Variants in KDM4C observed in about 807,000 individuals in gnomAD.
The protein encoded by KDM4C is lysine-specific demethylase 4C.
Under a neutral mutation model 129.3 loss-of-function variants are expected in KDM4C, and 81 were observed. The ratio of observed to expected loss-of-function variants is 0.63; its 90% CI spans 0.52 to 0.75. The LOEUF (loss-of-function observed/expected upper bound fraction) is 0.75. KDM4C is among the 30% of genes least tolerant of loss of function. The probability of loss-of-function intolerance (pLI) is 0.00; values close to 1 mark genes in which losing one functional copy is unlikely to be tolerated. For missense variants in KDM4C, 1,457 were observed against 1,304.0 expected (o/e 1.12, Z -1.81); for synonymous variants, 573 against 456.1 (o/e 1.26, Z -3.26).
In KDM4C at chr9:7,174,825, A is replaced by G; in HGVS notation, c.*96A>G. The G allele has an allele frequency of 9.3e-7, 1 of 1,078,102 alleles. No individual in the cohort carries two copies. Among genetic ancestry groups the G allele is most frequent in the East Asian group, 2.4e-5 (1 of 42,202 alleles). 66.8% of individuals were successfully genotyped at this position (1,078,102 alleles called of 1,614,324 possible). A position where few individuals can be genotyped will look rare whatever the true frequency, so the allele number is the denominator to read the frequency against. On this transcript the variant is annotated 3_prime_UTR_variant, in exon 22 of 22. Coordinates refer to ENST00000381309, the MANE Select transcript of KDM4C (RefSeq NM_015061.6). ...GCTGTGCCGTGAGTTTTGCTGGCAT[A>G]GGTGACAGGGTGTGTCTCTGACAGT... is the stretch of plus-strand genomic sequence containing the variant.
rs1228132912 is a variant in KDM4C at position 6,729,912 on chromosome 9, C to T, written c.49+8915C>T. On this transcript the variant is annotated intron_variant, in intron 1 of 17. Transcript: ENST00000536108. ...ATCACCTGAGGTCAGGAGTTCAAGA[C>T]CAGCCTGGCCAACATGGCGAAAATT... 3.0e-5 allele frequency among the ~76,000 whole-genome samples: 4 copies of T among 133,614 alleles called. 1 individual carries two copies. The highest frequency in any genetic ancestry group is 6.1e-5 in the Non-Finnish European group (4 of 65,288). 87.7% of individuals were successfully genotyped at this position (133,614 alleles called of 152,430 possible). A position where few individuals can be genotyped will look rare whatever the true frequency, so the allele number is the denominator to read the frequency against.
chr9:7,144,061 T>A (rs2129946402), intron 19 of KDM4C, among the ~76,000 whole-genome samples: 1 of 152,336 alleles, frequency 6.6e-6, no homozygotes, highest in Middle Eastern at 3.4e-3. Context: ...ATATCCTGAA[T>A]TACTTCATTT....
intron 17 of KDM4C, among the ~76,000 whole-genome samples, chr9:7,089,376 G>C (rs141879946): frequency 1.5e-3 from 222 of 152,310 alleles, no homozygotes; most frequent in African/African-American, 5.0e-3. Flanking sequence ...GCAGGATCGA[G>C]TTCTTCACAG....
chr9:7,174,703 C>T lies in KDM4C; in HGVS notation c.3145C>T (p.Gln1049Ter). The change falls in exon 22 of 22, where the codon CAG becomes TAG. Residue 1049 changes from glutamine (Q) to a stop codon, truncating the protein, a stop_gained. Transcript: ENST00000381309. LOFTEE classifies it high-confidence loss of function. ...VYRTFLKSSF[Q>*]KKCQKRQ is the part of the protein sequence containing the mutation. ...CCGCACTTTTTTGAAGAGCTCTTTC[C>T]AGAAGAAGTGCCAGAAGAGACAGTA... The T allele has an allele frequency of 1.9e-6, 3 of 1,614,072 alleles. No individual in the cohort carries two copies. Among genetic ancestry groups the T allele is most frequent in the Non-Finnish European group, 1.7e-6 (2 of 1,179,972 alleles).
chr9:7,071,464 A>G (rs1833184516), intron 17 of KDM4C, among the ~76,000 whole-genome samples: 1 of 152,202 alleles, frequency 6.6e-6, no homozygotes, highest in African/African-American at 2.4e-5. Flanking sequence ...AAAAGAATAG[A>G]AATTTCAGGA....
At chr9:7,169,922 G>A (rs753571002) in intron 21 of KDM4C, 32 bp downstream of exon 21, 2 of 1,613,028 alleles carry the variant, frequency 1.2e-6, no homozygotes, top group Non-Finnish European at 1.7e-6. Context: ...TTGGGGACCT[G>A]CCAAGTGAAT....
At chr9:7,060,027 G>T (rs1831396318) in intron 17 of KDM4C, among the ~76,000 whole-genome samples, 1 of 152,096 alleles carries the variant, frequency 6.6e-6, no homozygotes. Flanking sequence ...AATAGAGAGA[G>T]GATCCCCTCA....
chr9:6,842,240 G>A (rs1458158591), intron 4 of KDM4C, among the ~76,000 whole-genome samples: 1 of 150,648 alleles, frequency 6.6e-6, no homozygotes, highest in Non-Finnish European at 1.5e-5. Context: ...ACTGTAATAA[G>A]TATGGACTCT....
intron 17 of KDM4C, among the ~76,000 whole-genome samples, chr9:7,086,720 C>G (rs1330993923): frequency 6.6e-6 from 1 of 152,224 alleles, no homozygotes; most frequent in Non-Finnish European, 1.5e-5. Context: ...CATGCAGGAT[C>G]ATCTGGCCGG....
chr9:6,992,070 T>C (rs1482267826), intron 12 of KDM4C, among the ~76,000 whole-genome samples: 2 of 152,118 alleles, frequency 1.3e-5, no homozygotes, highest in Non-Finnish European at 2.9e-5. Flanking sequence ...TTCCCTTTAG[T>C]GTTAAGACAT....
chr9:6,896,902 G>A (rs1816552410), intron 8 of KDM4C, among the ~76,000 whole-genome samples: 1 of 152,198 alleles, frequency 6.6e-6, no homozygotes, highest in African/African-American at 2.4e-5. Flanking sequence ...GGACTGGAGA[G>A]GGGGCTCCTG....
chr9:6,740,394 G>C (rs1249122731), intron 1 of KDM4C, among the ~76,000 whole-genome samples: 1 of 151,994 alleles, frequency 6.6e-6, no homozygotes, highest in African/African-American at 2.4e-5. Context: ...TAGTAGAGAT[G>C]GGGTTTCACC....
At chr9:6,950,631 C>T (rs1345803464) in intron 8 of KDM4C, among the ~76,000 whole-genome samples, 3 of 152,192 alleles carry the variant, frequency 2.0e-5, no homozygotes, top group African/African-American at 4.8e-5. Context: ...TTTATTAATA[C>T]TGATTAAACT....
intron 2 of KDM4C, among the ~76,000 whole-genome samples, chr9:6,795,322 A>G (rs1204077637): frequency 2.0e-5 from 3 of 151,932 alleles, no homozygotes; most frequent in Non-Finnish European, 2.9e-5. Flanking sequence ...TTGTATATAT[A>G]TATATTTTTT....
intron 5 of KDM4C, among the ~76,000 whole-genome samples, chr9:6,860,094 G>A (rs765496250): frequency 9.2e-5 from 14 of 152,056 alleles, no homozygotes; most frequent in African/African-American, 1.4e-4. Context: ...AAAGAGAAAC[G>A]TGCTCCTCAT....
intron 8 of KDM4C, among the ~76,000 whole-genome samples, chr9:6,980,422 C>T (rs761407991): frequency 2.0e-5 from 3 of 152,152 alleles, no homozygotes; most frequent in East Asian, 3.9e-4. Context: ...TTCATTTGCT[C>T]CTAATTTTGG....
chr9:7,128,802 G>A lies in KDM4C; in HGVS notation c.2781+566G>A, dbSNP rs183657077. Among the ~76,000 whole-genome samples, 3 of 152,126 alleles carry A rather than the reference G, an allele frequency of 2.0e-5. No individual in the cohort carries two copies. The South Asian group carries it at 6.2e-4, about 32-fold the overall frequency. On this transcript the variant is annotated intron_variant, in intron 19 of 21. Transcript: ENST00000381309. ...TGTGTGTGCGTGCGCGTGTGTGTGT[G>A]TCTGGCTGTCTTGTTGGTCTGTCTC...
chr9:6,800,237 C>T (rs142570112), intron 2 of KDM4C, among the ~76,000 whole-genome samples: 1 of 152,110 alleles, frequency 6.6e-6, no homozygotes, highest in African/African-American at 2.4e-5. Flanking sequence ...TGTGGTGGTG[C>T]ACATCTGTAA....
intron 8 of KDM4C, among the ~76,000 whole-genome samples, chr9:6,958,683 T>C: frequency 1.0e-5 from 1 of 100,286 alleles, no homozygotes; most frequent in African/African-American, 3.7e-5. Flanking sequence ...CCTTTCTTTA[T>C]ATGATTTTTT....
Sources: allele counts gnomAD v4.1 joint callset (sites outside exome capture counted in the v4.1 genomes callset), GRCh38; gene constraint gnomAD v4.1.1; transcripts MANE v1.5; gene names NCBI Gene and HGNC (gene_info 2026-07-23, HGNC 2026-07-21).